DENND5B: variants seen among roughly 807,000 people sequenced by gnomAD.
The protein encoded by DENND5B is DENN domain-containing protein 5B.
DENND5B carries 34 observed loss-of-function variants against 140.6 expected under a neutral mutation model. That is an observed-to-expected ratio of 0.24 (90% CI 0.18 to 0.32). The LOEUF (loss-of-function observed/expected upper bound fraction) is 0.32, where lower values mean the gene tolerates loss of function less well. DENND5B is among the 10% of genes least tolerant of loss of function. The pLI is 1.00. For missense variants in DENND5B, 1,142 were observed against 1,560.2 expected (o/e 0.73, Z 4.52); for synonymous variants, 551 against 562.1 (o/e 0.98, Z 0.28).
At chr12:31,482,448 C>T (rs1421194180) in intron 2 of DENND5B, among the ~76,000 whole-genome samples, 2 of 152,172 alleles carry the variant, frequency 1.3e-5, no homozygotes, top group Non-Finnish European at 2.9e-5. Context: ...CTAATTTGCC[C>T]AGGACAAAAA....
intron 1 of DENND5B, among the ~76,000 whole-genome samples, chr12:31,565,804 T>C (rs1265657218): frequency 6.6e-6 from 1 of 152,110 alleles, no homozygotes; most frequent in Non-Finnish European, 1.5e-5. Context: ...CTAAACATGA[T>C]TGCCAGCTGC....
chr12:31,399,275 C>CTTTTTT (rs530514939), intron 16 of DENND5B, among the ~76,000 whole-genome samples: 1 of 60,440 alleles, frequency 1.7e-5, no homozygotes, highest in Non-Finnish European at 3.0e-5. Flanking sequence ...TCAAACAATT[C>CTTTTTT]TTTTTTTTTT....
intron 1 of DENND5B, among the ~76,000 whole-genome samples, chr12:31,535,486 C>T (rs970228254): frequency 5.3e-5 from 8 of 151,952 alleles, no homozygotes; most frequent in Non-Finnish European, 8.8e-5. Context: ...AGAAAGTAAG[C>T]GAAGAGAACC....
intron 1 of DENND5B, among the ~76,000 whole-genome samples, chr12:31,518,749 CT>C (rs548985589): frequency 2.3e-3 from 344 of 148,364 alleles, no homozygotes; most frequent in Non-Finnish European, 3.8e-3. Flanking sequence ...TTTTTTAAAT[CT>C]TTTTTTTTTG....
chr12:31,545,950 C>CAAAAAAAAAAAAAAAAAAAAAAAA lies in DENND5B; in HGVS notation c.127+44755_127+44756insTTTTTTTTTTTTTTTTTTTTTTTT, dbSNP rs57460264. On this transcript the variant is annotated intron_variant, in intron 1 of 20. Transcript: ENST00000389082. The stretch of plus-strand genomic sequence containing the variant: ...TGGGTGAGAGAGTAAGACACTGTCT[C>CAAAAAAAAAAAAAAAAAAAAAAAA]AAAAAAAAAAAAAAAAAAAAAGTGG... Among the ~76,000 whole-genome samples, 8 of 36,394 alleles carry CAAAAAAAAAAAAAAAAAAAAAAAA rather than the reference C, an allele frequency of 2.2e-4. 2 individuals are homozygous for CAAAAAAAAAAAAAAAAAAAAAAAA. Among genetic ancestry groups the CAAAAAAAAAAAAAAAAAAAAAAAA allele is most frequent in the Non-Finnish European group, 3.1e-4 (7 of 22,680 alleles). The allele number at this position is 36,394 out of a possible 152,430, so 23.9% of individuals were successfully genotyped here.
intron 1 of DENND5B, among the ~76,000 whole-genome samples, chr12:31,586,178 A>C (rs779515248): frequency 1.3e-5 from 2 of 152,202 alleles, no homozygotes; most frequent in African/African-American, 4.8e-5. Context: ...AAAAGCTATA[A>C]AATAAGATTT....
intron 16 of DENND5B, among the ~76,000 whole-genome samples, chr12:31,399,167 GT>G (rs1292053539): frequency 1.5e-5 from 2 of 129,070 alleles, no homozygotes; most frequent in African/African-American, 5.7e-5. Flanking sequence ...AAAAAAAAAA[GT>G]TTTTTGGGGG....
At chr12:31,585,733 T>C (rs1950374249) in intron 1 of DENND5B, among the ~76,000 whole-genome samples, 1 of 152,244 alleles carries the variant, frequency 6.6e-6, no homozygotes, top group South Asian at 2.1e-4. Context: ...TTCTGCTTAT[T>C]TGAATTCAGA....
intron 8 of DENND5B, chr12:31,432,945 A>G (rs867571874): frequency 2.4e-5 from 12 of 499,112 alleles, no homozygotes; most frequent in African/African-American, 2.4e-4. Flanking sequence ...CTTGTTTTAG[A>G]GCCTTATTAT....
chr12:31,500,965 C>G (rs1946981203), intron 1 of DENND5B, among the ~76,000 whole-genome samples: 1 of 152,088 alleles, frequency 6.6e-6, no homozygotes, highest in Admixed American at 6.6e-5. Flanking sequence ...CTGATAAGTA[C>G]TCATCAAAAC....
At chr12:31,461,005 C>G (rs930020131) in intron 3 of DENND5B, among the ~76,000 whole-genome samples, 1 of 152,138 alleles carries the variant, frequency 6.6e-6, no homozygotes, top group Non-Finnish European at 1.5e-5. Context: ...GGATTACAGG[C>G]GTGAACCACC....
At chr12:31,561,946 T>C (rs1023655342) in intron 1 of DENND5B, among the ~76,000 whole-genome samples, 2 of 152,258 alleles carry the variant, frequency 1.3e-5, no homozygotes, top group Non-Finnish European at 2.9e-5. Flanking sequence ...TGAGCATCTA[T>C]TAAGTGCAAG....
intron 1 of DENND5B, among the ~76,000 whole-genome samples, chr12:31,583,826 GT>G: frequency 6.6e-6 from 1 of 152,192 alleles, no homozygotes; most frequent in Non-Finnish European, 1.5e-5. Flanking sequence ...ACTTACGTAT[GT>G]ACTCCAGAAT....
intron 2 of DENND5B, among the ~76,000 whole-genome samples, chr12:31,481,395 G>A (rs1343319234): frequency 1.3e-5 from 2 of 152,130 alleles, no homozygotes; most frequent in African/African-American, 4.8e-5. Flanking sequence ...ATTTCCAGTC[G>A]AGTAAGGTTA....
chr12:31,524,047 T>TA (rs1186614227), intron 1 of DENND5B, among the ~76,000 whole-genome samples: 1 of 150,632 alleles, frequency 6.6e-6, no homozygotes, highest in Non-Finnish European at 1.5e-5. Context: ...AGCCCTTTTT[T>TA]TTTTTTTTTT....
chr12:31,528,252 G>C (rs1004707811), intron 1 of DENND5B, among the ~76,000 whole-genome samples: 2 of 152,162 alleles, frequency 1.3e-5, no homozygotes, highest in African/African-American at 4.8e-5. Context: ...TCCAAGTTCT[G>C]GTTGCTATGC....
chr12:31,568,679 T>A (rs1052424962), intron 1 of DENND5B, among the ~76,000 whole-genome samples: 4 of 152,170 alleles, frequency 2.6e-5, no homozygotes, highest in Non-Finnish European at 4.4e-5. Context: ...CAACAGTGCA[T>A]AAAGGTTGCG....
intron 1 of DENND5B, among the ~76,000 whole-genome samples, chr12:31,556,841 T>TA: frequency 6.6e-6 from 1 of 151,902 alleles, no homozygotes; most frequent in Non-Finnish European, 1.5e-5. Flanking sequence ...GCAATATGAT[T>TA]AAAAAAAAGA....
rs936096650 is a variant in DENND5B at position 31,384,346 on chromosome 12, C to T, written c.*3257G>A. The T allele has an allele frequency of 1.3e-5, 2 of 152,172 alleles. No homozygotes were observed. Among genetic ancestry groups the T allele is most frequent in the Non-Finnish European group, 2.9e-5 (2 of 68,042 alleles). 9.4% of individuals were successfully genotyped at this position (152,172 alleles called of 1,614,324 possible). A position where few individuals can be genotyped will look rare whatever the true frequency, so the allele number is the denominator to read the frequency against. ...CATGTCTTATTTCTTTATAACTGCA[C>T]TTCTTATGTGACCCCAAACTCAGCT... On this transcript the variant is annotated 3_prime_UTR_variant, in exon 21 of 21. Transcript: ENST00000389082.
Sources: allele counts gnomAD v4.1 joint callset (sites outside exome capture counted in the v4.1 genomes callset), GRCh38; gene constraint gnomAD v4.1.1; transcripts MANE v1.5; gene names NCBI Gene and HGNC (gene_info 2026-07-23, HGNC 2026-07-21).